The following MTUS2 variants were observed in gnomAD, a reference collection of about 807,000 sequenced individuals.
MTUS2 encodes the protein microtubule associated scaffold protein 2.
Under a neutral mutation model 114.1 loss-of-function variants are expected in MTUS2, and 40 were observed. That is an observed-to-expected ratio of 0.35 (90% CI 0.27 to 0.46). The LOEUF is 0.46. Among genes scored for constraint, MTUS2 ranks in the 20% least tolerant of loss-of-function variants. The probability of loss-of-function intolerance (pLI) is 1.00; values close to 1 mark genes in which losing one functional copy is unlikely to be tolerated. For synonymous variants in MTUS2, 688 were observed against 672.0 expected (o/e 1.02, Z -0.37); for missense variants, 1,679 against 1,705.4 (o/e 0.98, Z 0.27).
intron 1 of MTUS2, among the ~76,000 whole-genome samples, chr13:28,835,765 C>A (rs1421820484): frequency 6.6e-6 from 1 of 152,120 alleles, no homozygotes; most frequent in Non-Finnish European, 1.5e-5. Context: ...GCTCAGATTT[C>A]AGTAAAATAT....
At chr13:29,325,356 T>A (rs1459791006) in intron 7 of MTUS2, among the ~76,000 whole-genome samples, 1 of 150,412 alleles carries the variant, frequency 6.6e-6, no homozygotes, top group Non-Finnish European at 1.5e-5. Flanking sequence ...CTTGGGAGGC[T>A]GAGGCAGGAG....
intron 2 of MTUS2, among the ~76,000 whole-genome samples, chr13:28,895,222 C>T (rs1879194812): frequency 6.6e-6 from 1 of 152,190 alleles, no homozygotes; most frequent in South Asian, 2.1e-4. Flanking sequence ...CCTTAGAATG[C>T]AGTTTCATGG....
chr13:29,448,460 C>A (rs1878441543), intron 9 of MTUS2, among the ~76,000 whole-genome samples: 1 of 152,174 alleles, frequency 6.6e-6, no homozygotes, highest in African/African-American at 2.4e-5. Context: ...GCAAATTTAG[C>A]CACAGTGGAA....
intron 5 of MTUS2, among the ~76,000 whole-genome samples, chr13:29,224,411 A>G (rs1184882767): frequency 6.6e-6 from 1 of 151,358 alleles, no homozygotes; most frequent in Non-Finnish European, 1.5e-5. Flanking sequence ...TCTTTTTTTA[A>G]TGTCTTTTTT....
intron 5 of MTUS2, among the ~76,000 whole-genome samples, chr13:29,197,464 A>G (rs749411376): frequency 3.7e-4 from 57 of 152,138 alleles, no homozygotes; most frequent in Non-Finnish European, 1.0e-4. Context: ...TATCCAGTCT[A>G]TCATTGGTGG....
chr13:29,348,082 CA>C (rs1291655615), intron 7 of MTUS2, among the ~76,000 whole-genome samples: 1 of 152,054 alleles, frequency 6.6e-6, no homozygotes, highest in Non-Finnish European at 1.5e-5. Context: ...AAGGCTTCAT[CA>C]CATAGACATG....
At chr13:28,927,627 C>T (rs1216668237) in intron 2 of MTUS2, among the ~76,000 whole-genome samples, 2 of 152,134 alleles carry the variant, frequency 1.3e-5, no homozygotes, top group African/African-American at 2.4e-5. Context: ...AAGAGATAGA[C>T]AGCCAAGCAA....
chr13:28,844,640 G>A lies in MTUS2; in HGVS notation c.-243+4790G>A, dbSNP rs7330834. On this transcript the variant is annotated intron_variant, in intron 2 of 15. Transcript: ENST00000612955. The stretch of plus-strand genomic sequence containing the variant: ...GTGTGTGTGTGAGAGAGAGAGAGAC[G>A]GAGTCTAACTCTGTAGCCCAAGCTG... Among the ~76,000 whole-genome samples, 337 of 139,556 alleles carry A rather than the reference G, an allele frequency of 2.4e-3. 1 individual carries two copies. The highest frequency in any genetic ancestry group is 3.7e-3 in the Non-Finnish European group (229 of 62,186). 91.6% of individuals were successfully genotyped at this position (139,556 alleles called of 152,430 possible).
At chr13:29,383,963 G>A (rs1334660717) in intron 8 of MTUS2, among the ~76,000 whole-genome samples, 1 of 152,156 alleles carries the variant, frequency 6.6e-6, no homozygotes, top group African/African-American at 2.4e-5. Flanking sequence ...TTCAGGGACA[G>A]CCACTTTGGG....
chr13:29,011,236 ATACT>A (rs1391938932), intron 2 of MTUS2, among the ~76,000 whole-genome samples: 5 of 152,234 alleles, frequency 3.3e-5, no homozygotes, highest in African/African-American at 7.2e-5. Flanking sequence ...ATGAAAATTC[ATACT>A]TACTCAGGTT....
At chr13:28,955,200 A>G (rs982961626) in intron 2 of MTUS2, among the ~76,000 whole-genome samples, 4 of 152,224 alleles carry the variant, frequency 2.6e-5, no homozygotes, top group African/African-American at 4.8e-5. Flanking sequence ...ACCTGCCCAC[A>G]GTAATACCAG....
chr13:29,156,371 T>C (rs1566036896), intron 5 of MTUS2, among the ~76,000 whole-genome samples: 1 of 152,160 alleles, frequency 6.6e-6, no homozygotes, highest in Non-Finnish European at 1.5e-5. Flanking sequence ...CCTATAAAAA[T>C]AGCTTTATCT....
chr13:29,448,979 C>T (rs1878490045), intron 9 of MTUS2, among the ~76,000 whole-genome samples: 1 of 151,962 alleles, frequency 6.6e-6, no homozygotes, highest in African/African-American at 2.4e-5. Context: ...GTCTTGAACT[C>T]CTGACCTCAA....
chr13:29,336,244 C>A (rs886200128), intron 7 of MTUS2, among the ~76,000 whole-genome samples: 1 of 152,122 alleles, frequency 6.6e-6, no homozygotes, highest in Non-Finnish European at 1.5e-5. Flanking sequence ...AATTTTCAGC[C>A]TTTTTGTGCT....
At chr13:28,910,093 G>A (rs917947610) in intron 2 of MTUS2, among the ~76,000 whole-genome samples, 1 of 146,266 alleles carries the variant, frequency 6.8e-6, no homozygotes, top group Non-Finnish European at 1.6e-5. Flanking sequence ...ACTGTAGTCT[G>A]TCTGTTGTGC....
chr13:29,198,829 A>C (rs533094142), intron 5 of MTUS2, among the ~76,000 whole-genome samples: 1 of 152,096 alleles, frequency 6.6e-6, no homozygotes, highest in African/African-American at 2.4e-5. Context: ...CTTTGTAGCA[A>C]TTGTGAATGG....
intron 2 of MTUS2, among the ~76,000 whole-genome samples, chr13:28,896,847 T>A (rs960963460): frequency 1.1e-4 from 16 of 152,102 alleles, no homozygotes; most frequent in South Asian, 2.1e-4. Context: ...CTGGCTAGCC[T>A]TATGTAGAAA....
chr13:29,319,702 T>C (rs1287358963), intron 6 of MTUS2, among the ~76,000 whole-genome samples: 5 of 152,082 alleles, frequency 3.3e-5, no homozygotes, highest in Non-Finnish European at 7.4e-5. Context: ...GAAGGGTTGA[T>C]TCCCCAAAGG....
At chr13:28,896,590 C>T (rs1307282539) in intron 2 of MTUS2, among the ~76,000 whole-genome samples, 1 of 152,196 alleles carries the variant, frequency 6.6e-6, no homozygotes, top group Non-Finnish European at 1.5e-5. Context: ...GCCCTCATTG[C>T]CAAGTCAATC....
Sources: gnomAD v4.1 joint callset for allele counts (sites outside exome capture counted in the v4.1 genomes callset) on GRCh38, gnomAD v4.1.1 for gene constraint, MANE v1.5 for transcripts, NCBI Gene and HGNC (gene_info 2026-07-23, HGNC 2026-07-21) for gene names.